NBAS: variants seen among roughly 807,000 people sequenced by gnomAD.
NBAS encodes the protein NBAS subunit of NRZ tethering complex.
NBAS carries 219 observed loss-of-function variants against 302.5 expected under a neutral mutation model. The ratio of observed to expected loss-of-function variants is 0.72; its 90% confidence interval spans 0.65 to 0.81. NBAS has a LOEUF of 0.81. NBAS is among the 30% of genes least tolerant of loss of function. The pLI is 0.00. For synonymous variants in NBAS, 1,118 were observed against 1,021.6 expected, an observed-to-expected ratio of 1.09 and a Z score of -1.80; for missense variants, 2,932 against 2,841.6, an observed-to-expected ratio of 1.03 and a Z score of -0.72.
At chr2:14,817,360 A>G in the NBAS span, among the ~76,000 whole-genome samples, 1 of 152,174 alleles carries the variant, frequency 6.6e-6, no homozygotes, top group African/African-American at 2.4e-5. Context: ...TGCCCATTAC[A>G]TATTTCATAA....
At chr2:15,232,550 C>T (rs1400991540) in intron 46 of NBAS, 39 bp from the exon 47 acceptor site, 1 of 1,584,872 alleles carries the variant, frequency 6.3e-7, no homozygotes, top group Non-Finnish European at 8.6e-7. Flanking sequence ...AAAAGGATCA[C>T]TCAAGTCTCA....
chr2:15,144,046 A>ATATATATATATATATATATTATCCTAT, the NBAS span, among the ~76,000 whole-genome samples: 9 of 104,542 alleles, frequency 8.6e-5, no homozygotes, highest in Non-Finnish European at 1.2e-4. Flanking sequence ...CCTATATATA[A>ATATATATATATATATATATTATCCTAT]AAATATATAT....
At chr2:15,342,563 A>G (rs922945209) in intron 35 of NBAS, among the ~76,000 whole-genome samples, 1 of 152,134 alleles carries the variant, frequency 6.6e-6, no homozygotes, top group African/African-American at 2.4e-5. Flanking sequence ...ATATGGAAGG[A>G]AACATATGAA....
the NBAS span, among the ~76,000 whole-genome samples, chr2:14,830,327 C>G: frequency 2.6e-5 from 4 of 152,114 alleles, no homozygotes; most frequent in African/African-American, 9.7e-5. Context: ...GTGTAATTAA[C>G]CACAACTGAG....
At position 15,334,879 on chromosome 2, in the gene NBAS, G is replaced by A. The variant is rs572513154; in HGVS notation, c.4180-4114C>T. On this transcript the variant is annotated intron_variant, in intron 35 of 51. Transcript: ENST00000281513. ...GAAACATAACACCACCAGAATCCTA[G>A]AAGCTCCTCTTGAGCTCACTTGCAG... Among the ~76,000 whole-genome samples, 79 of 152,266 alleles carry A rather than the reference G, an allele frequency of 5.2e-4. 2 individuals are homozygous for A. In the South Asian group the frequency reaches 0.016, roughly 31 times the overall value.
At chr2:15,533,961 T>C (rs1481966766) in intron 9 of NBAS, among the ~76,000 whole-genome samples, 8 of 152,192 alleles carry the variant, frequency 5.3e-5, no homozygotes, top group Non-Finnish European at 1.2e-4. Flanking sequence ...ACATTTAGCT[T>C]GGCTATCCTA....
intron 21 of NBAS, among the ~76,000 whole-genome samples, chr2:15,456,456 T>C (rs1679250579): frequency 6.6e-6 from 1 of 152,226 alleles, no homozygotes; most frequent in Non-Finnish European, 1.5e-5. Context: ...GGTTCCTAAG[T>C]CACTCATTCT....
chr2:15,483,160 A>C (rs1315665171), intron 12 of NBAS: 1 of 155,046 alleles, frequency 6.4e-6, no homozygotes, highest in African/African-American at 2.4e-5. Context: ...CAACATTTCA[A>C]AGGCTTATTC....
chr2:14,942,686 C>T, the NBAS span, among the ~76,000 whole-genome samples: 32 of 152,282 alleles, frequency 2.1e-4, no homozygotes, highest in African/African-American at 7.2e-4. Context: ...TGGAGTGTCA[C>T]AGCTAAAGCC....
In NBAS at chr2:15,467,676, A is replaced by T. The variant is rs1389828001; in HGVS notation, c.2006T>A (p.Val669Glu). Residue 669 changes from valine (V) to glutamate (E), a missense_variant, in exon 18 of 52, where the codon GTG becomes GAG. Coordinates refer to ENST00000281513, the MANE Select transcript of NBAS (RefSeq NM_015909.4). Reference sequence around the variant, plus strand: ...ACAACTCATTTACTTGGAAAAGTTCACTAATTTCAGTAGTTCTTGTCTCTT... The same window carrying T: ...ACAACTCATTTACTTGGAAAAGTTCTCTAATTTCAGTAGTTCTTGTCTCTT... Reference protein sequence around the residue: ...LKKRQELLKLVNFSKLTLEQK... With the variant: ...LKKRQELLKLENFSKLTLEQK... 6.2e-7 allele frequency: 1 copy of T among 1,612,392 alleles called. No individual in the cohort carries two copies. The highest frequency in any genetic ancestry group is 2.2e-5 in the East Asian group (1 of 44,782).
Position 15,167,218 on chromosome 2 carries a change from G to A in NBAS, c.6946C>T (p.Leu2316Phe). Residue 2316 changes from leucine to phenylalanine, a missense_variant, in exon 52 of 52, where the codon CTC (leucine) becomes TTC (phenylalanine). By Grantham distance (22) the Leu-to-Phe change is conservative (BLOSUM62 0). Transcript: ENST00000281513. ...TPFYPRIVDH[L>F]LASLQQGRWD... ...CGCCCTTGCTGGAGGCTAGCCAAGA[G>A]GTGGTCAACAATACGTGGATAGAAG... The A allele has an allele frequency of 6.2e-7, 1 of 1,614,266 alleles. No individual in the cohort carries two copies. The highest frequency in any genetic ancestry group is 8.5e-7 in the Non-Finnish European group (1 of 1,180,046).
chr2:14,825,610 C>A, the NBAS span, among the ~76,000 whole-genome samples: 3 of 152,142 alleles, frequency 2.0e-5, no homozygotes, highest in Non-Finnish European at 4.4e-5. Flanking sequence ...GTCAACCTCA[C>A]GTCAGGGCTT....
the NBAS span, among the ~76,000 whole-genome samples, chr2:14,815,732 T>C: frequency 6.6e-6 from 1 of 152,158 alleles, no homozygotes; most frequent in Admixed American, 6.6e-5. Context: ...CTACAGGACA[T>C]ATTAATCTGG....
chr2:14,795,345 C>A, the NBAS span, among the ~76,000 whole-genome samples: 1 of 152,064 alleles, frequency 6.6e-6, no homozygotes, highest in Non-Finnish European at 1.5e-5. Context: ...TACATAATAT[C>A]TAATGATGAA....
At chr2:14,993,505 GAAC>G in the NBAS span, among the ~76,000 whole-genome samples, 1 of 152,018 alleles carries the variant, frequency 6.6e-6, no homozygotes, top group Non-Finnish European at 1.5e-5. Flanking sequence ...TTTTCTTCTA[GAAC>G]AACACCATAC....
At chr2:15,074,361 GGAAGGAAGGATGGAAA>G in the NBAS span, among the ~76,000 whole-genome samples, 3 of 144,248 alleles carry the variant, frequency 2.1e-5, no homozygotes, top group South Asian at 2.3e-4. Context: ...AAGGAAGGAT[GGAAGGAAGGATGGAAA>G]GAAGGAAGGA....
chr2:15,286,397 C>T (rs1358608989), intron 42 of NBAS, among the ~76,000 whole-genome samples: 3 of 152,118 alleles, frequency 2.0e-5, no homozygotes, highest in African/African-American at 4.8e-5. Flanking sequence ...TTATCCTAGC[C>T]TTCTATTTAT....
At chr2:15,467,607 C>A (rs1679778286) in intron 18 of NBAS, 57 bp downstream of exon 18, 4 of 1,524,538 alleles carry the variant, frequency 2.6e-6, no homozygotes, top group East Asian at 2.3e-5. Context: ...AAGGAACACA[C>A]TGAAATGATT....
At chr2:15,335,571 G>A (rs771716910) in intron 35 of NBAS, among the ~76,000 whole-genome samples, 2 of 152,098 alleles carry the variant, frequency 1.3e-5, no homozygotes, top group Non-Finnish European at 2.9e-5. Flanking sequence ...CGTGCACCTC[G>A]CCAGGACTAA....
Sources: gnomAD v4.1 joint callset for allele counts (sites outside exome capture counted in the v4.1 genomes callset) on GRCh38, gnomAD v4.1.1 for gene constraint, MANE v1.5 for transcripts, NCBI Gene and HGNC (gene_info 2026-07-23, HGNC 2026-07-21) for gene names.